ITPK1: variants seen among roughly 807,000 people sequenced by gnomAD.
ITPK1 encodes inositol-tetrakisphosphate 1-kinase.
ITPK1 carries 21 observed loss-of-function variants against 45.3 expected under a neutral mutation model. That is an observed-to-expected ratio of 0.46 (90% confidence interval 0.33 to 0.67). The LOEUF (loss-of-function observed/expected upper bound fraction) is 0.67. ITPK1 is among the 30% of genes least tolerant of loss of function. The pLI, the probability that ITPK1 is intolerant of heterozygous loss-of-function variation, is 0.02. For synonymous variants in ITPK1, 258 were observed against 253.6 expected (o/e 1.02, Z -0.16); for missense variants, 474 against 573.5 (o/e 0.83, Z 1.77).
chr14:92,983,021 C>T (rs555385967), intron 5 of ITPK1, among the ~76,000 whole-genome samples: 18 of 152,300 alleles, frequency 1.2e-4, no homozygotes, highest in Admixed American at 5.2e-4. Context: ...CAGCAAGCCA[C>T]GGGCAGGGGA....
chr14:92,955,563 A>C (rs1307339724), intron 8 of ITPK1, among the ~76,000 whole-genome samples: 1 of 152,204 alleles, frequency 6.6e-6, no homozygotes, highest in Non-Finnish European at 1.5e-5. Context: ...GAGAACACAA[A>C]ATGTTCCTGG....
Position 92,941,770 on chromosome 14 carries a change from C to T in ITPK1, c.1036G>A (p.Ala346Thr). ...GTCCGCTCGCCCACCAGGCCGCCCGCCGGCTCGGCCAGAAGCTTGCTGTGC... is the reference window on the plus strand; with the variant it reads ...GTCCGCTCGCCCACCAGGCCGCCCGTCGGCTCGGCCAGAAGCTTGCTGTGC... ...LRHSKLLAEP[A>T]GGLVGERTCS... Residue 346 changes from alanine to threonine, a missense_variant, in exon 11 of 11, where the codon GCG (alanine) becomes ACG (threonine). Transcript: ENST00000267615. 2 of 1,607,098 alleles carry T rather than the reference C, an allele frequency of 1.2e-6. No individual in the cohort carries two copies. Among genetic ancestry groups the T allele is most frequent in the Non-Finnish European group, 1.7e-6 (2 of 1,178,028 alleles).
At chr14:92,994,694 C>T (rs1566722593) in intron 4 of ITPK1, among the ~76,000 whole-genome samples, 2 of 152,186 alleles carry the variant, frequency 1.3e-5, no homozygotes, top group Non-Finnish European at 2.9e-5. Flanking sequence ...CGAAGGAGCC[C>T]ACCCTTGCTC....
intron 2 of ITPK1, among the ~76,000 whole-genome samples, chr14:93,078,663 G>A (rs1734347827): frequency 6.6e-6 from 1 of 152,154 alleles, no homozygotes; most frequent in Admixed American, 6.5e-5. Context: ...ACAGCCCACA[G>A]CACAGTGACA....
intron 2 of ITPK1, among the ~76,000 whole-genome samples, chr14:93,109,020 CACACAA>C (rs1383773160): frequency 6.6e-6 from 1 of 152,146 alleles, no homozygotes; most frequent in East Asian, 1.9e-4. Context: ...CTCACACATA[CACACAA>C]AAAGTATGAA....
At chr14:92,949,039 G>A (rs983507332) in intron 9 of ITPK1, among the ~76,000 whole-genome samples, 1 of 151,888 alleles carries the variant, frequency 6.6e-6, no homozygotes, top group Admixed American at 6.6e-5. Context: ...ATACTTTCTA[G>A]GGGGCAGGAG....
At chr14:93,045,642 G>C (rs1243497377) in intron 3 of ITPK1, among the ~76,000 whole-genome samples, 1 of 152,142 alleles carries the variant, frequency 6.6e-6, no homozygotes, top group African/African-American at 2.4e-5. Flanking sequence ...ACTCCAGCCT[G>C]GGCAACACAG....
At chr14:93,066,012 A>G (rs552155360) in intron 3 of ITPK1, among the ~76,000 whole-genome samples, 1 of 152,258 alleles carries the variant, frequency 6.6e-6, no homozygotes, top group African/African-American at 2.4e-5. Context: ...AATTGCTTCA[A>G]TAATTATCTC....
chr14:93,017,069 C>T lies in ITPK1; in HGVS notation c.121-268G>A, dbSNP rs866103062. Among the ~76,000 whole-genome samples, 8 of 152,244 alleles carry T rather than the reference C, an allele frequency of 5.3e-5. 1 individual carries two copies. In the Middle Eastern group the frequency reaches 0.01, roughly 194 times the overall value. ...CTTCTGTTCCCCAAGCCCCATGCTA[C>T]CCAGGATGCAGAAGACACATAAGAG... On this transcript the variant is annotated intron_variant, in intron 3 of 10. Transcript: ENST00000267615.
chr14:93,051,916 A>G (rs986438663), intron 3 of ITPK1, among the ~76,000 whole-genome samples: 3 of 152,254 alleles, frequency 2.0e-5, no homozygotes, highest in South Asian at 2.1e-4. Flanking sequence ...AATGCCAAGA[A>G]TAAGTACCTA....
chr14:92,946,842 T>C (rs115381000), intron 9 of ITPK1, among the ~76,000 whole-genome samples: 2,833 of 152,346 alleles, frequency 0.019, 88 homozygotes, highest in African/African-American at 0.065. Context: ...GACCCATATT[T>C]TTTAGCCTCT....
intron 7 of ITPK1, among the ~76,000 whole-genome samples, chr14:92,961,510 C>A (rs183465061): frequency 3.2e-4 from 48 of 152,342 alleles, no homozygotes; most frequent in Non-Finnish European, 5.7e-4. Context: ...TTCTAAGCAG[C>A]CCTCTTTTCC....
chr14:93,011,164 A>G (rs1887882616), intron 4 of ITPK1, among the ~76,000 whole-genome samples: 1 of 152,244 alleles, frequency 6.6e-6, no homozygotes, highest in South Asian at 2.1e-4. Context: ...CAGGGCAGAC[A>G]CTGAGAGCCA....
intron 9 of ITPK1, among the ~76,000 whole-genome samples, chr14:92,951,029 GC>G (rs1448460292): frequency 2.0e-5 from 3 of 152,228 alleles, no homozygotes; most frequent in Admixed American, 6.5e-5. Context: ...TTCTGGGGCA[GC>G]CCCCCGAGGG....
At chr14:92,984,359 T>G (rs778531410) in intron 5 of ITPK1, among the ~76,000 whole-genome samples, 12 of 152,352 alleles carry the variant, frequency 7.9e-5, no homozygotes, top group South Asian at 2.1e-4. Flanking sequence ...AGGAGGGGAC[T>G]CTATAGTTAA....
rs181957342 is a variant in ITPK1, at chr14:93,038,367, A to C, written c.121-21566T>G. Reference sequence around the variant, plus strand: ...CATATTCTTCTAAAGCATTATCATTAAAAGGTAAATCAAGCATAATTTATT... The same window carrying C: ...CATATTCTTCTAAAGCATTATCATTCAAAGGTAAATCAAGCATAATTTATT... On this transcript the variant is annotated intron_variant, in intron 3 of 10. Coordinates refer to ENST00000267615, the MANE Select transcript of ITPK1 (RefSeq NM_014216.6). 1.9e-3 allele frequency among the ~76,000 whole-genome samples: 286 copies of C among 152,302 alleles called. 2 individuals carry two copies. Among genetic ancestry groups the C allele is most frequent in the African/African-American group, 6.2e-3 (258 of 41,572 alleles).
intron 2 of ITPK1, among the ~76,000 whole-genome samples, chr14:93,102,332 A>T (rs1320908531): frequency 6.6e-6 from 1 of 152,274 alleles, no homozygotes; most frequent in Non-Finnish European, 1.5e-5. Context: ...CTGACTGTGC[A>T]GGAAGCAAAA....
intron 2 of ITPK1, among the ~76,000 whole-genome samples, chr14:93,110,136 T>C (rs117589302): frequency 0.029 from 4,399 of 151,540 alleles, 103 homozygotes; most frequent in Admixed American, 0.084. Context: ...AGTCGTGGAG[T>C]CAGGCCTGAA....
At chr14:92,968,890 A>C (rs1214169081) in intron 5 of ITPK1, among the ~76,000 whole-genome samples, 1 of 152,178 alleles carries the variant, frequency 6.6e-6, no homozygotes, top group Admixed American at 6.5e-5. Flanking sequence ...TCGTATTCCA[A>C]GCTTGGGCAC....
Sources: allele counts gnomAD v4.1 joint callset (sites outside exome capture counted in the v4.1 genomes callset), GRCh38; gene constraint gnomAD v4.1.1; transcripts MANE v1.5; gene names NCBI Gene and HGNC (gene_info 2026-07-23, HGNC 2026-07-21).